Variants in BCL2L1 observed in about 807,000 individuals in gnomAD.
BCL2L1 encodes the protein BCL2 like 1, also known as bcl-2-like protein 1.
BCL2L1 carries 1 observed loss-of-function variant against 18.7 expected under a neutral mutation model. The ratio of observed to expected loss-of-function variants is 0.05; its 90% CI spans 0.02 to 0.25. The LOEUF (loss-of-function observed/expected upper bound fraction) is 0.25, where lower values mean the gene tolerates loss of function less well. BCL2L1 is among the 10% of genes least tolerant of loss of function. The probability of loss-of-function intolerance (pLI) is 1.00; values close to 1 mark genes in which losing one functional copy is unlikely to be tolerated. For synonymous variants in BCL2L1, 103 were observed against 122.7 expected (o/e 0.84, Z 1.06); for missense variants, 207 against 304.9 (o/e 0.68, Z 2.39).
At chr20:31,691,740 G>C (rs2061078983) in intron 2 of BCL2L1, among the ~76,000 whole-genome samples, 1 of 152,052 alleles carries the variant, frequency 6.6e-6, no homozygotes, top group African/African-American at 2.4e-5. Context: ...AAAGGAAATG[G>C]AGCAAGGACT....
intron 2 of BCL2L1, among the ~76,000 whole-genome samples, chr20:31,716,453 T>C (rs892855480): frequency 2.6e-5 from 4 of 152,138 alleles, no homozygotes; most frequent in African/African-American, 9.7e-5. Flanking sequence ...TTAGTTTTGC[T>C]TACTTTTGTT....
At chr20:31,700,532 C>A (rs1023055397) in intron 2 of BCL2L1, among the ~76,000 whole-genome samples, 6 of 152,198 alleles carry the variant, frequency 3.9e-5, no homozygotes, top group Non-Finnish European at 8.8e-5. Context: ...AGAGACCCCT[C>A]CACATATGCC....
Position 31,665,778 on chromosome 20 carries a change from G to T in BCL2L1, c.*171C>A. The T allele has an allele frequency of 1.2e-6, 1 of 846,650 alleles. No homozygotes were observed. 52.4% of individuals were successfully genotyped at this position (846,650 alleles called of 1,614,324 possible). A position where few individuals can be genotyped will look rare whatever the true frequency, so the allele number is the denominator to read the frequency against. On this transcript the variant is annotated 3_prime_UTR_variant, in exon 3 of 3. Transcript: ENST00000307677. ...AGGTGTGGGGGTCTCACAGAAGTGTGATAAATTCTAGAAAACTAGCTGCAA... is the reference window on the plus strand; with the variant it reads ...AGGTGTGGGGGTCTCACAGAAGTGTTATAAATTCTAGAAAACTAGCTGCAA...
In BCL2L1 at chr20:31,697,892, G is replaced by GTTTTTTTT. The variant is rs199575410; in HGVS notation, c.564+23755_564+23762dup. Among the ~76,000 whole-genome samples, 27 of 129,650 alleles carry GTTTTTTTT rather than the reference G, an allele frequency of 2.1e-4. 2 individuals carry two copies. The highest frequency in any genetic ancestry group is 8.2e-4 in the African/African-American group (25 of 30,508). The allele number at this position is 129,650 out of a possible 152,430, so 85.1% of individuals were successfully genotyped here. ...AGAATCCTCAGCATGTGCTGTTGCT[G>GTTTTTTTT]TTTTTTTTTTTTTGAGACGGAGTCT... On this transcript the variant is annotated intron_variant, in intron 2 of 2. Transcript: ENST00000307677.
chr20:31,685,018 T>G (rs1415564644), intron 2 of BCL2L1, among the ~76,000 whole-genome samples: 4 of 152,230 alleles, frequency 2.6e-5, no homozygotes, highest in African/African-American at 4.8e-5. Flanking sequence ...GGGACCTCCC[T>G]AGATTTTAGA....
intron 2 of BCL2L1, among the ~76,000 whole-genome samples, chr20:31,715,841 T>G (rs1024556972): frequency 1.3e-5 from 2 of 152,196 alleles, no homozygotes; most frequent in African/African-American, 4.8e-5. Context: ...CTTTTTATTT[T>G]TATTTTTTGA....
chr20:31,710,215 G>A (rs2061432489), intron 2 of BCL2L1, among the ~76,000 whole-genome samples: 1 of 152,156 alleles, frequency 6.6e-6, no homozygotes, highest in Non-Finnish European at 1.5e-5. Flanking sequence ...GAGAGCTTAT[G>A]TTTTACTACA....
intron 2 of BCL2L1, among the ~76,000 whole-genome samples, chr20:31,679,745 C>T (rs1025254652): frequency 6.6e-6 from 1 of 152,220 alleles, no homozygotes; most frequent in Non-Finnish European, 1.5e-5. Flanking sequence ...CTCACTGCAA[C>T]CTCTGCCTCC....
intron 2 of BCL2L1, among the ~76,000 whole-genome samples, chr20:31,719,687 AGTT>A (rs1413070906): frequency 3.3e-5 from 5 of 152,196 alleles, no homozygotes; most frequent in Non-Finnish European, 1.5e-5. Context: ...ACTTACCCAG[AGTT>A]GCTGTGTCTA....
chr20:31,713,980 A>T (rs867914413), intron 2 of BCL2L1, among the ~76,000 whole-genome samples: 1 of 152,172 alleles, frequency 6.6e-6, no homozygotes, highest in East Asian at 1.9e-4. Flanking sequence ...CTGGGTGGTT[A>T]TAAGGATCAA....
chr20:31,710,609 GGC>G (rs969974554), intron 2 of BCL2L1, among the ~76,000 whole-genome samples: 2 of 152,318 alleles, frequency 1.3e-5, no homozygotes, highest in Non-Finnish European at 2.9e-5. Flanking sequence ...TGAGGGTGGA[GGC>G]CTCTGGGCCC....
chr20:31,721,069 A>G, intron 2 of BCL2L1: 2 of 734,282 alleles, frequency 2.7e-6, no homozygotes, highest in Non-Finnish European at 3.3e-6. Flanking sequence ...ACACTGCCCC[A>G]AAATCTGACA....
At chr20:31,712,503 A>G (rs920693955) in intron 2 of BCL2L1, among the ~76,000 whole-genome samples, 1 of 152,162 alleles carries the variant, frequency 6.6e-6, no homozygotes, top group Non-Finnish European at 1.5e-5. Flanking sequence ...TAACAATAAT[A>G]TTAATCACCA....
chr20:31,723,840 C>A (rs1600334000), upstream of BCL2L1: 1 of 985,476 alleles, frequency 1.0e-6, no homozygotes, highest in Non-Finnish European at 1.2e-6. Flanking sequence ...GGACCCGGGC[C>A]GGCCTACCTG....
chr20:31,691,593 C>T (rs889621340), intron 2 of BCL2L1, among the ~76,000 whole-genome samples: 1 of 150,692 alleles, frequency 6.6e-6, no homozygotes, highest in Non-Finnish European at 1.5e-5. Context: ...TGGCGCCCGG[C>T]GAACAAATTA....
At chr20:31,714,775 T>C (rs2061502639) in intron 2 of BCL2L1, among the ~76,000 whole-genome samples, 1 of 152,228 alleles carries the variant, frequency 6.6e-6, no homozygotes, top group African/African-American at 2.4e-5. Flanking sequence ...AACATCTATC[T>C]TACTTAACTT....
At chr20:31,691,892 C>T (rs1334388520) in intron 2 of BCL2L1, among the ~76,000 whole-genome samples, 2 of 152,192 alleles carry the variant, frequency 1.3e-5, no homozygotes, top group Non-Finnish European at 2.9e-5. Context: ...TTAAGTCTGA[C>T]CATATCAAGT....
At chr20:31,674,706 A>G (rs926958234) in intron 2 of BCL2L1, among the ~76,000 whole-genome samples, 9 of 151,986 alleles carry the variant, frequency 5.9e-5, no homozygotes, top group Non-Finnish European at 1.3e-4. Context: ...CCCCATCTCT[A>G]TAAGAAAAAT....
chr20:31,670,883 T>C (rs1352738411), intron 2 of BCL2L1, among the ~76,000 whole-genome samples: 1 of 152,234 alleles, frequency 6.6e-6, no homozygotes, highest in East Asian at 1.9e-4. Context: ...TCTGGATAAA[T>C]AAACAGGATT....
Sources: allele counts gnomAD v4.1 joint callset (sites outside exome capture counted in the v4.1 genomes callset), GRCh38; gene constraint gnomAD v4.1.1; transcripts MANE v1.5; gene names NCBI Gene and HGNC (gene_info 2026-07-23, HGNC 2026-07-21).